Variants in ADIPOR2 observed in about 807,000 individuals in gnomAD.
ADIPOR2 encodes the protein adiponectin receptor protein 2.
A neutral mutation model predicts 40.9 loss-of-function variants in ADIPOR2; 18 were observed. The ratio of observed to expected loss-of-function variants is 0.44; its 90% CI spans 0.30 to 0.65. The LOEUF (loss-of-function observed/expected upper bound fraction) is 0.65. Among genes scored for constraint, ADIPOR2 ranks in the 30% least tolerant of loss-of-function variants. The pLI is 0.09. For synonymous variants in ADIPOR2, 165 were observed against 166.4 expected, an observed-to-expected ratio of 0.99 and a Z score of 0.06; for missense variants, 283 against 479.2, an observed-to-expected ratio of 0.59 and a Z score of 3.82.
At chr12:1,725,274 A>G (rs906841205) in intron 1 of ADIPOR2, among the ~76,000 whole-genome samples, 1 of 152,030 alleles carries the variant, frequency 6.6e-6, no homozygotes, top group African/African-American at 2.4e-5. Context: ...GGCATGCGCC[A>G]CCATGCCTGG....
At chr12:1,729,009 A>G (rs1283703864) in intron 1 of ADIPOR2, among the ~76,000 whole-genome samples, 1 of 149,246 alleles carries the variant, frequency 6.7e-6, no homozygotes, top group Non-Finnish European at 1.5e-5. Flanking sequence ...TCCGAGTACA[A>G]CAGAACAGTT....
chr12:1,765,997 C>A (rs79699397), intron 2 of ADIPOR2, among the ~76,000 whole-genome samples: 1,748 of 152,264 alleles, frequency 0.011, 14 homozygotes, highest in Non-Finnish European at 0.02. Context: ...TGCTTTTAAT[C>A]CTTCTACAAA....
intron 3 of ADIPOR2, among the ~76,000 whole-genome samples, chr12:1,776,669 C>G (rs1016626381): frequency 7.9e-5 from 12 of 152,120 alleles, no homozygotes; most frequent in African/African-American, 2.9e-4. Flanking sequence ...CCTCTAGAAT[C>G]TGATGCGGGA....
chr12:1,745,215 A>C (rs1006316521), intron 1 of ADIPOR2, among the ~76,000 whole-genome samples: 9 of 152,118 alleles, frequency 5.9e-5, no homozygotes, highest in African/African-American at 2.2e-4. Context: ...GATCACTTTC[A>C]TCTCTTGGTA....
intron 1 of ADIPOR2, among the ~76,000 whole-genome samples, chr12:1,716,023 T>TTGC (rs2094686963): frequency 6.6e-6 from 1 of 152,200 alleles, no homozygotes; most frequent in Non-Finnish European, 1.5e-5. Flanking sequence ...ACAGTAAATC[T>TTGC]TGCTGCTGCT....
intron 2 of ADIPOR2, among the ~76,000 whole-genome samples, chr12:1,764,052 A>AT (rs1471505507): frequency 6.6e-6 from 1 of 152,196 alleles, no homozygotes; most frequent in Non-Finnish European, 1.5e-5. Context: ...AAAGAAATGA[A>AT]TGATTAAACC....
At position 1,781,003 on chromosome 12, in the gene ADIPOR2, G is replaced by C. The variant is rs373773620; in HGVS notation, c.765G>C (p.Val255=). ...PCFIYLIVIC[V]LGIAAIIVSQ... ...TCATCTACTTGATTGTCATCTGTGT[G>C]CTGGGCATTGCAGCCATTATAGTCT... Residue 255 remains valine (V), a synonymous_variant, in exon 6 of 8, where the codon GTG becomes GTC. Coordinates refer to ENST00000357103, the MANE Select transcript of ADIPOR2 (RefSeq NM_024551.3). The C allele has an allele frequency of 5.6e-6, 9 of 1,613,564 alleles. No homozygotes were observed. The highest frequency in any genetic ancestry group is 1.3e-5 in the African/African-American group (1 of 74,860).
chr12:1,748,483 T>TG (rs2094761660), intron 1 of ADIPOR2, among the ~76,000 whole-genome samples: 2 of 151,958 alleles, frequency 1.3e-5, no homozygotes, highest in Admixed American at 1.3e-4. Flanking sequence ...CTCCTGACCT[T>TG]GTGATCTGCC....
At position 1,754,365 on chromosome 12, in the gene ADIPOR2, C is replaced by G; in HGVS notation, c.22C>G (p.Arg8Gly). The G allele has an allele frequency of 6.2e-7, 1 of 1,607,664 alleles. No homozygotes were observed. Among genetic ancestry groups the G allele is most frequent in the Non-Finnish European group, 8.5e-7 (1 of 1,177,142 alleles). The change falls in exon 2 of 8, where the codon CGA becomes GGA. Residue 8 changes from arginine (R) to glycine (G), a missense_variant. Arg to Gly is a moderately radical substitution (Grantham distance 125, BLOSUM62 -2). Transcript: ENST00000357103. The part of the protein sequence containing the change: MNEPTEN[R>G]LGCSRTPEPD... ...TCCCATGAACGAGCCAACAGAAAAC[C>G]GATTGGGGTGCAGCAGGACTCCAGA...
chr12:1,757,576 G>T (rs550588288), intron 2 of ADIPOR2: 574 of 1,070,432 alleles, frequency 5.4e-4, no homozygotes, highest in Non-Finnish European at 8.0e-4. Flanking sequence ...AGGGAATCAG[G>T]GTAGCGGATG....
intron 1 of ADIPOR2, among the ~76,000 whole-genome samples, chr12:1,695,289 AGACCAGTCTGGGCAACACAGCATGACTCT>A (rs1255007998): frequency 0.014 from 2,190 of 151,398 alleles, 20 homozygotes; most frequent in Middle Eastern, 0.054. Context: ...TAGGAGTTTG[AGACCAGTCTGGGCAACACAGCATGACTCT>A]GACCAGTCTG....
intron 1 of ADIPOR2, among the ~76,000 whole-genome samples, chr12:1,707,690 C>A (rs188609587): frequency 1.3e-5 from 2 of 152,184 alleles, no homozygotes; most frequent in African/African-American, 4.8e-5. Flanking sequence ...CCAGGCTGGT[C>A]TTTAAATCTG....
intron 1 of ADIPOR2, among the ~76,000 whole-genome samples, chr12:1,732,302 C>T (rs2094722068): frequency 6.6e-6 from 1 of 152,200 alleles, no homozygotes; most frequent in South Asian, 2.1e-4. Context: ...GCCCTAAATA[C>T]TCAGTGTTTC....
Position 1,754,425 on chromosome 12 carries a change from G to T in ADIPOR2, c.82G>T (p.Asp28Tyr). 2 of 1,613,736 alleles carry T rather than the reference G, an allele frequency of 1.2e-6. No individual in the cohort carries two copies. Among genetic ancestry groups the T allele is most frequent in the Non-Finnish European group, 1.7e-6 (2 of 1,179,798 alleles). ...DIRLRKGHQLDGTRRGDNDSH... is the reference protein window; with the variant it reads ...DIRLRKGHQLYGTRRGDNDSH... Reference sequence around the variant, plus strand: ...AAGGCTCAGAAAAGGGCACCAACTGGATGGTACACGAAGAGGTGATAATGA... The same window carrying T: ...AAGGCTCAGAAAAGGGCACCAACTGTATGGTACACGAAGAGGTGATAATGA... Residue 28 changes from aspartate to tyrosine, a missense_variant, in exon 2 of 8, where the codon GAT (aspartate) becomes TAT (tyrosine). This residue lies in a region of ADIPOR2 where 65 missense variants were observed against 79.9 expected (regional missense o/e 0.81). Transcript: ENST00000357103.
At chr12:1,700,797 T>TAAAA (rs141307691) in intron 1 of ADIPOR2, among the ~76,000 whole-genome samples, 78 of 144,230 alleles carry the variant, frequency 5.4e-4, no homozygotes, top group African/African-American at 1.6e-3. Context: ...GCCCTAGATT[T>TAAAA]AAAAAAAAAA....
chr12:1,779,545 T>C (rs1408061613), intron 4 of ADIPOR2, among the ~76,000 whole-genome samples: 1 of 151,802 alleles, frequency 6.6e-6, no homozygotes, highest in African/African-American at 2.4e-5. Context: ...GCAGATACAG[T>C]ACTTCTGTTT....
At chr12:1,756,922 G>A (rs1405167340) in intron 2 of ADIPOR2, among the ~76,000 whole-genome samples, 1 of 152,166 alleles carries the variant, frequency 6.6e-6, no homozygotes, top group African/African-American at 2.4e-5. Flanking sequence ...TAAAGCAAGA[G>A]GGAAGAGCGG....
At chr12:1,725,479 A>T (rs1401856247) in intron 1 of ADIPOR2, among the ~76,000 whole-genome samples, 1 of 152,228 alleles carries the variant, frequency 6.6e-6, no homozygotes, top group East Asian at 1.9e-4. Context: ...ACTGGTATAC[A>T]TGTAAAATGA....
At chr12:1,783,402 T>C (rs1862764895) in intron 6 of ADIPOR2, among the ~76,000 whole-genome samples, 2 of 150,328 alleles carry the variant, frequency 1.3e-5, no homozygotes, top group African/African-American at 2.4e-5. Flanking sequence ...CTCATTGCTT[T>C]TTTTTTTTTT....
Sources: gnomAD v4.1 joint callset for allele counts (sites outside exome capture counted in the v4.1 genomes callset) on GRCh38, gnomAD v4.1.1 for gene constraint, gnomAD v4.1.1 regional missense constraint, MANE v1.5 for transcripts, NCBI Gene and HGNC (gene_info 2026-07-23, HGNC 2026-07-21) for gene names.